TNN: variants seen among roughly 807,000 people sequenced by gnomAD.
TNN encodes tenascin N.
TNN carries 122 observed loss-of-function variants against 134.4 expected under a neutral mutation model. The ratio of observed to expected loss-of-function variants is 0.91; its 90% confidence interval spans 0.78 to 1.06. The LOEUF is 1.06. TNN is among the 50% of genes least tolerant of loss of function. The probability of loss-of-function intolerance (pLI) is 0.00; values close to 1 mark genes in which losing one functional copy is unlikely to be tolerated. For synonymous variants in TNN, 710 were observed against 670.3 expected, an observed-to-expected ratio of 1.06 and a Z score of -0.91; for missense variants, 1,739 against 1,699.4, an observed-to-expected ratio of 1.02 and a Z score of -0.41.
chr1:175,101,044 G>A (rs1200737578), intron 9 of TNN, among the ~76,000 whole-genome samples: 8 of 152,220 alleles, frequency 5.3e-5, no homozygotes, highest in Admixed American at 2.6e-4. Context: ...ATTTTGAAAT[G>A]TACAATAAAT....
At chr1:175,082,825 T>C (rs1190255070) in intron 4 of TNN, among the ~76,000 whole-genome samples, 1 of 152,176 alleles carries the variant, frequency 6.6e-6, no homozygotes, top group Non-Finnish European at 1.5e-5. Context: ...TTGGCTTTCC[T>C]GTCAAAAACT....
At position 175,097,474 on chromosome 1, in the gene TNN, T is replaced by C. The variant is rs1237753135; in HGVS notation, c.1646T>C (p.Ile549Thr). Residue 549 changes from isoleucine to threonine, a missense_variant, in exon 8 of 19, where the codon ATC (isoleucine) becomes ACC (threonine). Coordinates refer to ENST00000239462, the MANE Select transcript of TNN (RefSeq NM_022093.2). The part of the protein sequence containing the change: ...TDRVTENTAT[I>T]SWDPVQATID... Reference sequence around the variant, plus strand: ...CGGGTGACTGAGAATACCGCCACCATCTCCTGGGACCCGGTACAGGCCACC... The same window carrying C: ...CGGGTGACTGAGAATACCGCCACCACCTCCTGGGACCCGGTACAGGCCACC... The C allele has an allele frequency of 2.5e-6, 4 of 1,614,020 alleles. No homozygotes were observed. The highest frequency in any genetic ancestry group is 3.4e-6 in the Non-Finnish European group (4 of 1,180,036).
intron 18 of TNN, among the ~76,000 whole-genome samples, chr1:175,146,678 A>G (rs1006605949): frequency 2.6e-5 from 4 of 151,682 alleles, no homozygotes; most frequent in Non-Finnish European, 4.4e-5. Context: ...TGCTCCCACC[A>G]TAGAGACCGC....
chr1:175,107,617 C>T (rs1432124451), intron 9 of TNN, among the ~76,000 whole-genome samples: 2 of 144,568 alleles, frequency 1.4e-5, no homozygotes, highest in African/African-American at 5.1e-5. Context: ...AAGAACAAAG[C>T]TTCCACAGTG....
chr1:175,101,885 T>G (rs1270834835), intron 9 of TNN, among the ~76,000 whole-genome samples: 2 of 144,310 alleles, frequency 1.4e-5, no homozygotes, highest in Non-Finnish European at 3.1e-5. Flanking sequence ...TGCTGATTGG[T>G]GTATTTACAA....
chr1:175,068,679 G>A (rs1171304884), intron 1 of TNN, among the ~76,000 whole-genome samples: 2 of 152,224 alleles, frequency 1.3e-5, no homozygotes. Context: ...GGCTGAGGCA[G>A]GTGGATCACC....
rs548782247 is a variant in TNN at position 175,146,986 on chromosome 1, T to C, written c.3815T>C (p.Leu1272Ser). 140 of 1,603,610 alleles carry C rather than the reference T, an allele frequency of 8.7e-5. No homozygotes were observed. The South Asian group carries it at 1.5e-3, about 17-fold the overall frequency. ...GAATTCTCCATTCCTTACGTGGAGTTGAAAATCCGCCCTCATGGCTACAGC... is the reference window on the plus strand; with the variant it reads ...GAATTCTCCATTCCTTACGTGGAGTCGAAAATCCGCCCTCATGGCTACAGC... ...GHEFSIPYVE[L>S]KIRPHGYSRE... Residue 1272 changes from leucine to serine, a missense_variant, in exon 19 of 19, where the codon TTG (leucine) becomes TCG (serine). By Grantham distance (145) the Leu-to-Ser change is moderately radical (BLOSUM62 -2). Transcript: ENST00000239462.
At chr1:175,111,461 TGGGAAACA>T (rs1428395882) in intron 9 of TNN, among the ~76,000 whole-genome samples, 1 of 114,038 alleles carries the variant, frequency 8.8e-6, no homozygotes, top group Admixed American at 1.4e-4. Context: ...CACTCCAGCC[TGGGAAACA>T]GAGCGAGACT....
intron 16 of TNN, among the ~76,000 whole-genome samples, chr1:175,136,344 T>C (rs1328962706): frequency 6.6e-6 from 1 of 152,134 alleles, no homozygotes; most frequent in South Asian, 2.1e-4. Flanking sequence ...TCTGCTCTCC[T>C]CTGGAGCAGA....
rs74897643 is a variant in TNN, at chr1:175,087,421, C to T, written c.1324+1927C>T. Among the ~76,000 whole-genome samples, 408 of 152,256 alleles carry T rather than the reference C, an allele frequency of 2.7e-3. 3 individuals carry two copies. The highest frequency in any genetic ancestry group is 9.2e-3 in the African/African-American group (383 of 41,544). On this transcript the variant is annotated intron_variant, in intron 6 of 18. Coordinates refer to ENST00000239462, the MANE Select transcript of TNN (RefSeq NM_022093.2). ...TGGAGATATTTAACCTTTTATCCGG[C>T]GTAGGAACAAAAGGAAAGGCAGCTT... is the stretch of plus-strand genomic sequence containing the variant.
rs2149431709 is a variant in TNN, at chr1:175,094,110, G to C, written c.1445G>C (p.Gly482Ala). 6.2e-7 allele frequency: 1 copy of C among 1,614,200 alleles called. No homozygotes were observed. The highest frequency in any genetic ancestry group is 1.1e-5 in the South Asian group (1 of 91,084). ...GTAGTGCGCTACACTTCTGCTGATG[G>C]GGACACCAAGGAAATGGCAGTGCAC... ...KYVVRYTSAD[G>A]DTKEMAVHKD... is the part of the protein sequence containing the mutation. Residue 482 changes from glycine to alanine, a missense_variant, in exon 7 of 19, where the codon GGG (glycine) becomes GCG (alanine). Transcript: ENST00000239462.
intron 12 of TNN, among the ~76,000 whole-genome samples, chr1:175,124,779 G>A (rs557979793): frequency 6.6e-6 from 1 of 152,300 alleles, no homozygotes; most frequent in East Asian, 1.9e-4. Context: ...CCAGTAGCCA[G>A]TTCTCCCTTC....
chr1:175,090,848 C>A (rs140969100), intron 6 of TNN, among the ~76,000 whole-genome samples: 182 of 152,276 alleles, frequency 1.2e-3, no homozygotes, highest in Non-Finnish European at 1.5e-3. Flanking sequence ...TACTTTACAT[C>A]TCATTGACCT....
Position 175,097,646 on chromosome 1 carries a change from C to A in TNN, c.1818C>A (p.Asp606Glu), listed in dbSNP as rs141900758. The change falls in exon 8 of 19, where the codon GAC becomes GAA. Residue 606 changes from aspartate to glutamate, a missense_variant. Transcript: ENST00000239462. The part of the protein sequence containing the change: ...YTVHVWAQKG[D>E]RESKKADTNA... The stretch of plus-strand genomic sequence containing the variant: ...TGCATGTCTGGGCCCAGAAGGGGGA[C>A]CGAGAGAGCAAGAAGGCTGACACCA... The A allele has an allele frequency of 6.2e-7, 1 of 1,614,042 alleles. No individual in the cohort carries two copies.
chr1:175,095,077 C>T (rs1674539411), intron 7 of TNN, among the ~76,000 whole-genome samples: 1 of 152,190 alleles, frequency 6.6e-6, no homozygotes, highest in African/African-American at 2.4e-5. Context: ...TACTTTACTT[C>T]CGTTCCTGTT....
chr1:175,119,336 G>A (rs1441087296), intron 11 of TNN, among the ~76,000 whole-genome samples: 1 of 152,234 alleles, frequency 6.6e-6, no homozygotes, highest in East Asian at 1.9e-4. Context: ...GCACTGGTGG[G>A]AGTGTAGTAG....
rs1481855614 is a variant in TNN, at chr1:175,102,335, G to A, written c.2119+3740G>A. Among the ~76,000 whole-genome samples, 5 of 146,338 alleles carry A rather than the reference G, an allele frequency of 3.4e-5. 1 individual carries two copies. Among genetic ancestry groups the A allele is most frequent in the Non-Finnish European group, 7.6e-5 (5 of 65,822 alleles). ...GCCCTTGGGTAGTCGACGGGACTGG[G>A]TGCCATGGAGCAGGGGATGGTATTC... On this transcript the variant is annotated intron_variant, in intron 9 of 18. Coordinates refer to ENST00000239462, the MANE Select transcript of TNN (RefSeq NM_022093.2).
intron 3 of TNN, 147 bp downstream of exon 3, chr1:175,079,854 C>A: frequency 3.4e-6 from 4 of 1,190,280 alleles, no homozygotes; most frequent in Non-Finnish European, 4.6e-6. Context: ...TCTGATTCTG[C>A]GATGGGGCCT....
chr1:175,116,990 C>A lies in TNN; in HGVS notation c.2171C>A (p.Ala724Asp). ...ACCGACCGGGTGACAGAGAATATGG[C>A]CACTGTCTCCTGGGACCCGGTGCGG... ...LVTDRVTENM[A>D]TVSWDPVRAT... The change falls in exon 10 of 19, where the codon GCC (alanine) becomes GAC (aspartate). Residue 724 changes from alanine (A) to aspartate (D), a missense_variant. Physicochemically the swap from Ala to Asp is moderately radical, Grantham distance 126. Coordinates refer to ENST00000239462, the MANE Select transcript of TNN (RefSeq NM_022093.2). 1 of 1,614,208 alleles carries A rather than the reference C, an allele frequency of 6.2e-7. No homozygotes were observed. Among genetic ancestry groups the A allele is most frequent in the Non-Finnish European group, 8.5e-7 (1 of 1,180,050 alleles).
Sources: allele counts gnomAD v4.1 joint callset (sites outside exome capture counted in the v4.1 genomes callset), GRCh38; gene constraint gnomAD v4.1.1; transcripts MANE v1.5; gene names NCBI Gene and HGNC (gene_info 2026-07-23, HGNC 2026-07-21).